OR7E24: variants seen among roughly 807,000 people sequenced by gnomAD.
OR7E24 encodes olfactory receptor 7E24.
For missense variants in OR7E24, 385 were observed against 410.3 expected, an observed-to-expected ratio of 0.94 and a Z score of 0.53; for synonymous variants, 130 against 157.5, an observed-to-expected ratio of 0.83 and a Z score of 1.31.
chr19:9,214,525 T>C, the OR7E24 span: 1 of 1,613,916 alleles, frequency 6.2e-7, no homozygotes, highest in South Asian at 1.1e-5. Flanking sequence ...GCAAACATCA[T>C]TAAAAAATAC....
upstream of OR7E24, among the ~76,000 whole-genome samples, chr19:9,244,065 A>T (rs571751486): frequency 6.6e-6 from 1 of 152,300 alleles, no homozygotes; most frequent in East Asian, 1.9e-4. Context: ...GCCTCTCCAG[A>T]CTGTGATTCT....
At chr19:9,239,389 G>C in the OR7E24 span, among the ~76,000 whole-genome samples, 1 of 152,066 alleles carries the variant, frequency 6.6e-6, no homozygotes, top group Non-Finnish European at 1.5e-5. Context: ...AGCCAGGATG[G>C]TCTTGATCTC....
chr19:9,230,546 G>T, the OR7E24 span, among the ~76,000 whole-genome samples: 1 of 152,094 alleles, frequency 6.6e-6, no homozygotes, highest in Admixed American at 6.6e-5. Flanking sequence ...TTCCTGGTAG[G>T]TTTCCTGAAT....
At chr19:9,223,404 A>C in the OR7E24 span, among the ~76,000 whole-genome samples, 8 of 152,354 alleles carry the variant, frequency 5.3e-5, no homozygotes, top group African/African-American at 1.9e-4. Flanking sequence ...ATGAATGCCT[A>C]TCTGCCTCCT....
At chr19:9,226,929 G>T in the OR7E24 span, among the ~76,000 whole-genome samples, 1 of 152,096 alleles carries the variant, frequency 6.6e-6, no homozygotes, top group Non-Finnish European at 1.5e-5. Flanking sequence ...GGGTACAAGT[G>T]CAGGTTTGTC....
the OR7E24 span, chr19:9,214,042 G>A: frequency 6.2e-7 from 1 of 1,614,086 alleles, no homozygotes; most frequent in Non-Finnish European, 8.5e-7. Flanking sequence ...TGGGAAGAAT[G>A]GGTCACAGCA....
chr19:9,229,375 A>C, the OR7E24 span, among the ~76,000 whole-genome samples: 1 of 151,872 alleles, frequency 6.6e-6, no homozygotes, highest in Non-Finnish European at 1.5e-5. Context: ...ACTAAAAAAA[A>C]ACTACAAAAA....
upstream of OR7E24, among the ~76,000 whole-genome samples, chr19:9,246,150 A>C (rs1947244285): frequency 8.4e-6 from 1 of 119,754 alleles, no homozygotes; most frequent in Non-Finnish European, 1.6e-5. Flanking sequence ...GCTCACTGCA[A>C]CCTCCGCCTC....
At chr19:9,206,700 T>A in the OR7E24 span, 1 of 152,250 alleles carries the variant, frequency 6.6e-6, no homozygotes, top group African/African-American at 2.4e-5. Context: ...TTCACTTAAA[T>A]CACAGTTTCC....
chr19:9,231,997 T>G, the OR7E24 span, among the ~76,000 whole-genome samples: 2 of 152,158 alleles, frequency 1.3e-5, no homozygotes, highest in Non-Finnish European at 2.9e-5. Context: ...AGAAATTACT[T>G]AGGCAGCTAG....
chr19:9,249,306 A>AATCTC (rs544861348), upstream of OR7E24, among the ~76,000 whole-genome samples: 21 of 152,288 alleles, frequency 1.4e-4, 2 homozygotes, highest in South Asian at 4.4e-3. Flanking sequence ...CAAAAATTAG[A>AATCTC]ATCTCTGTTA....
Position 9,251,345 on chromosome 19 carries a change from T to C in OR7E24, c.302T>C (p.Val101Ala). 1 of 1,613,942 alleles carries C rather than the reference T, an allele frequency of 6.2e-7. No individual in the cohort carries two copies. Among genetic ancestry groups the C allele is most frequent in the Non-Finnish European group, 8.5e-7 (1 of 1,179,862 alleles). ...TCCACCACGGTCCCCAAGATGATTG[T>C]GGACATGCAAACTCACAGCAGAGTC... ...FTSTTVPKMI[V>A]DMQTHSRVIS... The change falls in exon 1 of 1, where the codon GTG becomes GCG. Residue 101 changes from valine (V) to alanine (A), a missense_variant. Transcript: ENST00000456448.
chr19:9,214,018 C>T, the OR7E24 span: 34 of 1,613,858 alleles, frequency 2.1e-5, no homozygotes, highest in African/African-American at 4.0e-5. Context: ...ATCACTGAGG[C>T]GGTGGAGCTG....
chr19:9,228,049 G>A, the OR7E24 span, among the ~76,000 whole-genome samples: 5 of 152,228 alleles, frequency 3.3e-5, no homozygotes, highest in South Asian at 2.1e-4. Flanking sequence ...CACAGCGCCC[G>A]GCCAGAATGG....
the OR7E24 span, among the ~76,000 whole-genome samples, chr19:9,242,082 G>A: frequency 6.6e-6 from 1 of 152,120 alleles, no homozygotes; most frequent in Admixed American, 6.6e-5. Context: ...TTACCCATTT[G>A]CATGTTAGCA....
upstream of OR7E24, among the ~76,000 whole-genome samples, chr19:9,249,027 C>T (rs140742347): frequency 1.3e-5 from 2 of 152,324 alleles, no homozygotes; most frequent in Middle Eastern, 3.4e-3. Flanking sequence ...AATGATTAAA[C>T]AGACCGTGTG....
the OR7E24 span, chr19:9,235,526 A>AC: frequency 1.9e-6 from 3 of 1,553,626 alleles, no homozygotes; most frequent in Non-Finnish European, 2.7e-6. Flanking sequence ...GCCATCTGCC[A>AC]CCCACTGCAG....
upstream of OR7E24, among the ~76,000 whole-genome samples, chr19:9,247,039 T>C (rs533697164): frequency 6.6e-6 from 1 of 152,288 alleles, no homozygotes; most frequent in South Asian, 2.1e-4. Context: ...ACCATTTATA[T>C]GTATAATTTT....
At chr19:9,241,673 A>G in the OR7E24 span, among the ~76,000 whole-genome samples, 13 of 152,152 alleles carry the variant, frequency 8.5e-5, no homozygotes, top group African/African-American at 3.1e-4. Context: ...CTGAGGCAGG[A>G]GAATTGCTTG....
Sources: allele counts gnomAD v4.1 joint callset (sites outside exome capture counted in the v4.1 genomes callset), GRCh38; gene constraint gnomAD v4.1.1; transcripts MANE v1.5; gene names NCBI Gene and HGNC (gene_info 2026-07-23, HGNC 2026-07-21).